The following ARB2A variants were observed in gnomAD, a reference collection of about 807,000 sequenced individuals.
ARB2A encodes the protein ARB2 cotranscriptional regulator A.
At chr5:94,036,832 GTTCT>G in the ARB2A span, among the ~76,000 whole-genome samples, 2 of 152,130 alleles carry the variant, frequency 1.3e-5, no homozygotes, top group African/African-American at 4.8e-5. Flanking sequence ...AAGAATTCAG[GTTCT>G]TTATTAGAAT....
At chr5:93,849,966 G>A in the ARB2A span, among the ~76,000 whole-genome samples, 1 of 152,136 alleles carries the variant, frequency 6.6e-6, no homozygotes, top group Non-Finnish European at 1.5e-5. Context: ...TGCTTAGTAT[G>A]TTCTAATTAA....
At chr5:93,730,974 T>C in the ARB2A span, among the ~76,000 whole-genome samples, 3 of 152,206 alleles carry the variant, frequency 2.0e-5, no homozygotes, top group Non-Finnish European at 2.9e-5. Flanking sequence ...AGAATGGTGG[T>C]ATTATTTGAA....
At chr5:93,678,698 G>C in the ARB2A span, among the ~76,000 whole-genome samples, 2 of 152,162 alleles carry the variant, frequency 1.3e-5, no homozygotes, top group Non-Finnish European at 2.9e-5. Flanking sequence ...GGAGGTTGCA[G>C]TGAGCAGAGA....
chr5:93,676,376 C>A, the ARB2A span, among the ~76,000 whole-genome samples: 1 of 152,138 alleles, frequency 6.6e-6, no homozygotes. Flanking sequence ...GCTTTGTTTA[C>A]AAACATATAT....
chr5:94,022,861 CA>C, the ARB2A span, among the ~76,000 whole-genome samples: 2 of 152,168 alleles, frequency 1.3e-5, no homozygotes, highest in Non-Finnish European at 2.9e-5. Context: ...TACACTCAGT[CA>C]ACACAAATCA....
chr5:94,095,204 G>A, the ARB2A span, among the ~76,000 whole-genome samples: 72 of 152,254 alleles, frequency 4.7e-4, no homozygotes, highest in Middle Eastern at 0.01. Flanking sequence ...AGTATTTCTG[G>A]CATGGGCAGC....
chr5:93,898,266 ACTAT>A, the ARB2A span, among the ~76,000 whole-genome samples: 1 of 151,772 alleles, frequency 6.6e-6, no homozygotes, highest in African/African-American at 2.4e-5. Flanking sequence ...GATTTTCCTT[ACTAT>A]CTTTTTGTTT....
At chr5:94,093,958 C>T in the ARB2A span, among the ~76,000 whole-genome samples, 2 of 152,066 alleles carry the variant, frequency 1.3e-5, no homozygotes, top group Admixed American at 1.3e-4. Context: ...GGGTGATGCC[C>T]CAAACCAGTG....
At chr5:94,030,481 A>G in the ARB2A span, among the ~76,000 whole-genome samples, 1 of 152,220 alleles carries the variant, frequency 6.6e-6, no homozygotes, top group Non-Finnish European at 1.5e-5. Flanking sequence ...ATGGGCCCCT[A>G]TATCTCAGTG....
the ARB2A span, among the ~76,000 whole-genome samples, chr5:93,981,551 A>G: frequency 6.6e-6 from 1 of 152,050 alleles, no homozygotes; most frequent in Admixed American, 6.5e-5. Flanking sequence ...TCTAAAAGAG[A>G]ACCCTGAAAC....
At chr5:93,646,757 A>G in the ARB2A span, among the ~76,000 whole-genome samples, 1 of 152,080 alleles carries the variant, frequency 6.6e-6, no homozygotes, top group African/African-American at 2.4e-5. Flanking sequence ...TCAGACTGAG[A>G]TATGGAAAAA....
the ARB2A span, among the ~76,000 whole-genome samples, chr5:93,797,254 T>C: frequency 1.3e-5 from 2 of 152,140 alleles, no homozygotes; most frequent in Non-Finnish European, 2.9e-5. Context: ...AATTATTCTC[T>C]AGGCTACTTT....
At chr5:93,995,958 T>G in the ARB2A span, among the ~76,000 whole-genome samples, 1 of 152,258 alleles carries the variant, frequency 6.6e-6, no homozygotes, top group South Asian at 2.1e-4. Context: ...TCACAAAATA[T>G]GGCCCTTCTT....
the ARB2A span, among the ~76,000 whole-genome samples, chr5:93,922,731 T>C: frequency 6.7e-6 from 1 of 148,368 alleles, no homozygotes; most frequent in Non-Finnish European, 1.5e-5. Context: ...GATGAATGTT[T>C]CCAAACCAGT....
chr5:93,790,425 G>A, the ARB2A span, among the ~76,000 whole-genome samples: 2 of 152,202 alleles, frequency 1.3e-5, no homozygotes, highest in African/African-American at 4.8e-5. Flanking sequence ...GGCCTGCAAA[G>A]AAAACATGTA....
chr5:94,043,632 A>G, the ARB2A span, among the ~76,000 whole-genome samples: 1 of 152,146 alleles, frequency 6.6e-6, no homozygotes, highest in Non-Finnish European at 1.5e-5. Context: ...CTTTACCTAC[A>G]CAGTCCCTGT....
chr5:93,947,553 A>G, the ARB2A span, among the ~76,000 whole-genome samples: 2 of 150,930 alleles, frequency 1.3e-5, no homozygotes, highest in African/African-American at 4.9e-5. Context: ...TTTAGGGTAC[A>G]TGTGCACAAT....
chr5:93,951,833 G>A, the ARB2A span, among the ~76,000 whole-genome samples: 2 of 152,070 alleles, frequency 1.3e-5, no homozygotes, highest in Non-Finnish European at 2.9e-5. Flanking sequence ...ATATATACAC[G>A]TAGGTACATA....
At chr5:93,846,153 T>C in the ARB2A span, among the ~76,000 whole-genome samples, 2 of 152,050 alleles carry the variant, frequency 1.3e-5, no homozygotes, top group Admixed American at 6.6e-5. Flanking sequence ...AGTTCTATCT[T>C]TTTCTGATAA....
Sources: gnomAD v4.1 joint callset for allele counts (sites outside exome capture counted in the v4.1 genomes callset) on GRCh38, gnomAD v4.1.1 for gene constraint, MANE v1.5 for transcripts, NCBI Gene and HGNC (gene_info 2026-07-23, HGNC 2026-07-21) for gene names.